Variants in TUSC3 observed in about 807,000 individuals in gnomAD.
TUSC3 encodes dolichyl-diphosphooligosaccharide--protein glycosyltransferase subunit TUSC3.
Under a neutral mutation model 44.8 loss-of-function variants are expected in TUSC3, and 45 were observed. That is an observed-to-expected ratio of 1.00 (90% CI 0.79 to 1.29). The LOEUF (loss-of-function observed/expected upper bound fraction) is 1.29. Among genes scored for constraint, TUSC3 ranks in the 50% most tolerant of loss-of-function variants. The pLI, the probability that TUSC3 is intolerant of heterozygous loss-of-function variation, is 0.00. For synonymous variants in TUSC3, 212 were observed against 152.9 expected, an observed-to-expected ratio of 1.39 and a Z score of -2.85; for missense variants, 519 against 437.9, an observed-to-expected ratio of 1.19 and a Z score of -1.65.
intron 2 of TUSC3, among the ~76,000 whole-genome samples, chr8:15,523,067 A>G (rs1414123508): frequency 6.6e-6 from 1 of 152,156 alleles, no homozygotes; most frequent in Admixed American, 6.5e-5. Flanking sequence ...AGGCTGTTCC[A>G]TCACAAGTCA....
At chr8:15,694,534 C>A (rs1376991910) in intron 6 of TUSC3, among the ~76,000 whole-genome samples, 1 of 151,254 alleles carries the variant, frequency 6.6e-6, no homozygotes, top group Non-Finnish European at 1.5e-5. Flanking sequence ...AGAGTTCTTG[C>A]ACTGGATGTT....
At chr8:15,648,451 G>A (rs1203516997) in intron 2 of TUSC3, among the ~76,000 whole-genome samples, 3 of 152,030 alleles carry the variant, frequency 2.0e-5, no homozygotes, top group Non-Finnish European at 4.4e-5. Context: ...CGTTGGCTGG[G>A]CGCAGTGGCT....
intron 1 of TUSC3, among the ~76,000 whole-genome samples, chr8:15,603,684 G>A (rs1332992616): frequency 1.3e-5 from 2 of 151,526 alleles, no homozygotes; most frequent in Non-Finnish European, 3.0e-5. Flanking sequence ...TCAAAATGAT[G>A]ATGAACATGA....
At chr8:15,448,517 C>T (rs935732699) in intron 1 of TUSC3, among the ~76,000 whole-genome samples, 7 of 152,048 alleles carry the variant, frequency 4.6e-5, no homozygotes, top group African/African-American at 1.7e-4. Context: ...ACTCCCTAGT[C>T]TTTCAAATGT....
intron 1 of TUSC3, among the ~76,000 whole-genome samples, chr8:15,480,145 A>G (rs1800638563): frequency 1.3e-5 from 2 of 152,206 alleles, no homozygotes; most frequent in Admixed American, 1.3e-4. Flanking sequence ...GACCTATTCA[A>G]GGAGAACTAC....
chr8:15,707,664 G>C (rs1369340709), intron 6 of TUSC3, among the ~76,000 whole-genome samples: 3 of 151,956 alleles, frequency 2.0e-5, no homozygotes, highest in African/African-American at 7.2e-5. Context: ...CTCTATAGGA[G>C]ATGTGGAATG....
chr8:15,635,133 G>A (rs929158635), intron 2 of TUSC3, among the ~76,000 whole-genome samples: 3 of 152,186 alleles, frequency 2.0e-5, no homozygotes, highest in Admixed American at 1.3e-4. Context: ...AACTGTCAAG[G>A]AAGGAAAGGA....
chr8:15,760,905 C>G (rs1420573965), intron 10 of TUSC3, among the ~76,000 whole-genome samples: 1 of 152,162 alleles, frequency 6.6e-6, no homozygotes, highest in African/African-American at 2.4e-5. Context: ...CTTACTTGTT[C>G]TCAGAGTTTT....
At chr8:15,805,122 G>A in the TUSC3 span, among the ~76,000 whole-genome samples, 1 of 151,978 alleles carries the variant, frequency 6.6e-6, no homozygotes, top group African/African-American at 2.4e-5. Context: ...TCCTGATTTG[G>A]TTCTGGGCTT....
At chr8:15,650,273 T>C (rs1806831826) in intron 2 of TUSC3, among the ~76,000 whole-genome samples, 2 of 152,218 alleles carry the variant, frequency 1.3e-5, no homozygotes, top group Non-Finnish European at 2.9e-5. Context: ...TAAAAATTGG[T>C]CTTTGCATTT....
At chr8:15,446,692 G>C (rs999690368) in intron 1 of TUSC3, among the ~76,000 whole-genome samples, 18 of 146,490 alleles carry the variant, frequency 1.2e-4, no homozygotes, top group South Asian at 4.5e-4. Flanking sequence ...GTCCAGCCTC[G>C]GCTCGGCATC....
At chr8:15,487,692 C>T (rs1800751457) in intron 2 of TUSC3, among the ~76,000 whole-genome samples, 1 of 152,178 alleles carries the variant, frequency 6.6e-6, no homozygotes, top group Non-Finnish European at 1.5e-5. Context: ...CCAATATCAG[C>T]ACATCTTTCT....
At chr8:15,525,198 G>A (rs1013402690) in intron 2 of TUSC3, among the ~76,000 whole-genome samples, 77 of 152,240 alleles carry the variant, frequency 5.1e-4, no homozygotes, top group Non-Finnish European at 1.9e-4. Context: ...GCCACTTCTT[G>A]ATCTCTATCC....
intron 2 of TUSC3, among the ~76,000 whole-genome samples, chr8:15,504,625 T>G (rs1380609698): frequency 1.5e-5 from 1 of 66,298 alleles, no homozygotes; most frequent in African/African-American, 9.3e-5. Flanking sequence ...ATATATATTT[T>G]TTTTTTTTTT....
At chr8:15,639,405 G>A (rs899724048) in intron 2 of TUSC3, among the ~76,000 whole-genome samples, 3 of 152,178 alleles carry the variant, frequency 2.0e-5, no homozygotes, top group Non-Finnish European at 2.9e-5. Context: ...TCATATTGAT[G>A]AAAAACTCAT....
At chr8:15,562,477 T>C (rs1005343038) in intron 1 of TUSC3, among the ~76,000 whole-genome samples, 5 of 152,176 alleles carry the variant, frequency 3.3e-5, no homozygotes, top group Non-Finnish European at 5.9e-5. Context: ...TGCCACAATT[T>C]AGTGGCTTAA....
chr8:15,565,166 C>CT (rs374023591), intron 1 of TUSC3, among the ~76,000 whole-genome samples: 26,054 of 141,474 alleles, frequency 0.18, 2,360 homozygotes, highest in South Asian at 0.25. Context: ...TGAGGGGAGC[C>CT]TTTTTTTTTT....
At chr8:15,465,590 T>C (rs928937703) in intron 1 of TUSC3, among the ~76,000 whole-genome samples, 2 of 152,234 alleles carry the variant, frequency 1.3e-5, no homozygotes, top group Non-Finnish European at 2.9e-5. Flanking sequence ...TTTTGCTCCA[T>C]AAAACTGCAT....
intron 1 of TUSC3, among the ~76,000 whole-genome samples, chr8:15,566,861 G>C (rs775050860): frequency 2.6e-5 from 4 of 152,082 alleles, no homozygotes; most frequent in African/African-American, 4.8e-5. Context: ...TTAAATTTCT[G>C]GGATCCAGTT....
Sources: allele counts gnomAD v4.1 joint callset (sites outside exome capture counted in the v4.1 genomes callset), GRCh38; gene constraint gnomAD v4.1.1; transcripts MANE v1.5; gene names NCBI Gene and HGNC (gene_info 2026-07-23, HGNC 2026-07-21).